Variants in SLC22A5 observed in about 807,000 individuals in gnomAD.
SLC22A5 encodes organic cation/carnitine transporter 2.
Under a neutral mutation model 56.7 loss-of-function variants are expected in SLC22A5, and 44 were observed. The ratio of observed to expected loss-of-function variants is 0.78; its 90% CI spans 0.61 to 1.00. The LOEUF (loss-of-function observed/expected upper bound fraction) is 1.00. Among genes scored for constraint, SLC22A5 ranks in the 50% least tolerant of loss-of-function variants. The probability of loss-of-function intolerance (pLI) is 0.00; values close to 1 mark genes in which losing one functional copy is unlikely to be tolerated. For missense variants in SLC22A5, 675 were observed against 723.0 expected (o/e 0.93, Z 0.76); for synonymous variants, 278 against 292.1 (o/e 0.95, Z 0.49).
In SLC22A5 at chr5:132,394,181, A is replaced by G. The variant is rs773829338; in HGVS notation, c.1587-4A>G. On this transcript the variant is annotated splice_polypyrimidine_tract_variant and splice_region_variant and intron_variant, in intron 9 of 9. Transcript: ENST00000245407. ...TACTGACATATTTTTGCTTGTTTTTATAGAATGAAACACAGAAAAACTCCA... is the reference window on the plus strand; with the variant it reads ...TACTGACATATTTTTGCTTGTTTTTGTAGAATGAAACACAGAAAAACTCCA... 2.5e-6 allele frequency: 4 copies of G among 1,604,816 alleles called. No individual in the cohort carries two copies. In the South Asian group the frequency reaches 3.3e-5, roughly 13 times the overall value.
chr5:132,377,000 G>A (rs1336530813), intron 1 of SLC22A5: 1 of 152,576 alleles, frequency 6.6e-6, no homozygotes, highest in Admixed American at 6.5e-5. Flanking sequence ...CCATGTTCTT[G>A]ACTCCTGCTA....
In SLC22A5 at chr5:132,387,066, G is replaced by A. The variant is rs756260416; in HGVS notation, c.866G>A (p.Arg289Gln). ...ESPRWLISQG[R>Q]FEEAEVIIRK... ...CCCCGATGGCTCATCTCTCAGGGAC[G>A]ATTTGAAGAGGCAGAGGTGATCATC... Residue 289 changes from arginine (R) to glutamine (Q), a missense_variant, in exon 5 of 10, where the codon CGA becomes CAA. Arg to Gln is a conservative substitution (Grantham distance 43). Transcript: ENST00000245407. The A allele has an allele frequency of 1.5e-5, 25 of 1,614,026 alleles. No homozygotes were observed. The South Asian group carries it at 2.4e-4, about 16-fold the overall frequency.
rs72552724 is a variant in SLC22A5, at chr5:132,370,055, G to T, written c.83G>T (p.Ser28Ile). 3 of 1,613,342 alleles carry T rather than the reference G, an allele frequency of 1.9e-6. No homozygotes were observed. The Middle Eastern group carries it at 5.0e-4, about 266-fold the overall frequency. Residue 28 changes from serine to isoleucine, a missense_variant, in exon 1 of 10, where the codon AGC becomes ATC. Coordinates refer to ENST00000245407, the MANE Select transcript of SLC22A5 (RefSeq NM_003060.4). ...CTCATCTTCTTCCTGCTCAGCGCCA[G>T]CATCATCCCCAATGGCTTCACCGGC... The part of the protein sequence containing the change: ...QRLIFFLLSA[S>I]IIPNGFTGLS...
intron 2 of SLC22A5, chr5:132,378,686 C>A: frequency 1.7e-6 from 1 of 593,946 alleles, no homozygotes; most frequent in Non-Finnish European, 3.0e-6. Context: ...AGTAAAGAAA[C>A]CTGAGCTGTC....
chr5:132,374,694 A>G (rs1416859128), intron 1 of SLC22A5, among the ~76,000 whole-genome samples: 2 of 151,984 alleles, frequency 1.3e-5, no homozygotes, highest in African/African-American at 4.8e-5. Context: ...CTCTCTAGCT[A>G]GCTGACACCT....
intron 4 of SLC22A5, 119 bp downstream of exon 4, chr5:132,385,618 A>T: frequency 1.2e-6 from 1 of 826,178 alleles, no homozygotes; most frequent in Admixed American, 2.0e-5. Context: ...GGAAGCATAG[A>T]TTATAAATTA....
At chr5:132,390,550 G>A in intron 6 of SLC22A5, 140 bp from the exon 7 acceptor site, 1 of 741,032 alleles carries the variant, frequency 1.3e-6, no homozygotes, top group Non-Finnish European at 2.5e-6. Context: ...GTAAGACGCA[G>A]GGTTACAGTT....
In SLC22A5 at chr5:132,384,152, G is replaced by T; in HGVS notation, c.503G>T (p.Gly168Val). 1 of 1,614,168 alleles carries T rather than the reference G, an allele frequency of 6.2e-7. No individual in the cohort carries two copies. Among genetic ancestry groups the T allele is most frequent in the South Asian group, 1.1e-5 (1 of 91,084 alleles). ...FISGQLSDRF[G>V]RKNVLFVTMG... ...CACTCTCCTTTTCTTCCCAGGTTTG[G>T]CCGGAAGAATGTGCTGTTCGTGACC... Residue 168 changes from glycine (G) to valine (V), a missense_variant, in exon 3 of 10, where the codon GGC becomes GTC. Transcript: ENST00000245407.
At chr5:132,378,322 G>T (rs1249765943) in intron 1 of SLC22A5, 56 bp from the exon 2 acceptor site, 8 of 1,612,004 alleles carry the variant, frequency 5.0e-6, no homozygotes, top group Non-Finnish European at 6.8e-6. Flanking sequence ...GGATGCCTTT[G>T]CTTTAAAACC....
intron 1 of SLC22A5, chr5:132,376,659 C>T (rs1176127702): frequency 6.6e-6 from 1 of 152,240 alleles, no homozygotes; most frequent in Non-Finnish European, 1.5e-5. Context: ...CTGTGAGAAA[C>T]CGCTGCTGAC....
intron 3 of SLC22A5, among the ~76,000 whole-genome samples, chr5:132,384,895 C>T (rs1752470446): frequency 6.6e-6 from 1 of 152,242 alleles, no homozygotes; most frequent in Non-Finnish European, 1.5e-5. Context: ...AGGAACCTGA[C>T]TCTAGCTGAT....
Position 132,394,315 on chromosome 5 carries a change from T to C in SLC22A5, c.*43T>C. ...GAGAAACTGAAGAGGAAAGACTGTC[T>C]TGCCAGAAATGGCCAGCTTGTGCAG... On this transcript the variant is annotated 3_prime_UTR_variant, in exon 10 of 10. Transcript: ENST00000245407. 1 of 1,413,226 alleles carries C rather than the reference T, an allele frequency of 7.1e-7. No individual in the cohort carries two copies. Among genetic ancestry groups the C allele is most frequent in the South Asian group, 1.1e-5 (1 of 87,266 alleles). The allele number at this position is 1,413,226 out of a possible 1,614,324, so 87.5% of individuals were successfully genotyped here.
chr5:132,388,626 A>G (rs1752607087), intron 5 of SLC22A5, among the ~76,000 whole-genome samples: 2 of 152,072 alleles, frequency 1.3e-5, no homozygotes, highest in South Asian at 4.2e-4. Flanking sequence ...ACCGACAGGA[A>G]TATGTGGGGG....
At chr5:132,372,032 C>A (rs1751954462) in intron 1 of SLC22A5, among the ~76,000 whole-genome samples, 1 of 152,178 alleles carries the variant, frequency 6.6e-6, no homozygotes, top group Non-Finnish European at 1.5e-5. Flanking sequence ...GCATTTGGAC[C>A]TGCTTTCTCC....
chr5:132,392,788 C>T (rs1454034530), intron 8 of SLC22A5, among the ~76,000 whole-genome samples, 173 bp downstream of exon 8: 1 of 152,222 alleles, frequency 6.6e-6, no homozygotes, highest in East Asian at 1.9e-4. Context: ...CACTGGCCCT[C>T]ACTTTCAAAT....
At chr5:132,377,719 T>G in intron 1 of SLC22A5, 1 of 153,956 alleles carries the variant, frequency 6.5e-6, no homozygotes, top group Admixed American at 6.1e-5. Flanking sequence ...TTATCTGAGG[T>G]TGGAAGAGTT....
In SLC22A5 at chr5:132,385,506, G is replaced by A. The variant is rs1357573667; in HGVS notation, c.824+7G>A. On this transcript the variant is annotated splice_region_variant and intron_variant, in intron 4 of 9. Coordinates refer to ENST00000245407, the MANE Select transcript of SLC22A5 (RefSeq NM_003060.4). ...TATGCGTGGCACTCTGGTGGTGAGT[G>A]TGACCTTGTGCCCCATGTGCCCACT... 6.2e-7 allele frequency: 1 copy of A among 1,613,604 alleles called. No individual in the cohort carries two copies. The highest frequency in any genetic ancestry group is 8.5e-7 in the Non-Finnish European group (1 of 1,179,620).
rs938061119 is a variant in SLC22A5, at chr5:132,382,046, A to G, written c.498-2101A>G. On this transcript the variant is annotated intron_variant, in intron 2 of 9. Coordinates refer to ENST00000245407, the MANE Select transcript of SLC22A5 (RefSeq NM_003060.4). ...GCGAGAGTTTCTCAACCTCGACCCT[A>G]TTAACATTTTGAGCCAAATAATTTT... The G allele has an allele frequency of 2.0e-5, 3 of 152,182 alleles. No individual in the cohort carries two copies. In the East Asian group the frequency reaches 5.8e-4, roughly 29 times the overall value. The allele number at this position is 152,182 out of a possible 1,614,324, so 9.4% of individuals were successfully genotyped here. A position where few individuals can be genotyped will look rare whatever the true frequency, so the allele number is the denominator to read the frequency against.
At chr5:132,373,306 G>A (rs1752006493) in intron 1 of SLC22A5, among the ~76,000 whole-genome samples, 1 of 151,822 alleles carries the variant, frequency 6.6e-6, no homozygotes, top group African/African-American at 2.4e-5. Context: ...GTGGAATGAG[G>A]TGTTGGGATT....
Sources: allele counts gnomAD v4.1 joint callset (sites outside exome capture counted in the v4.1 genomes callset), GRCh38; gene constraint gnomAD v4.1.1; transcripts MANE v1.5; gene names NCBI Gene and HGNC (gene_info 2026-07-23, HGNC 2026-07-21).